DOCK2: variants seen among roughly 807,000 people sequenced by gnomAD.
DOCK2 encodes dedicator of cytokinesis protein 2.
DOCK2 carries 87 observed loss-of-function variants against 248.9 expected under a neutral mutation model. The ratio of observed to expected loss-of-function variants is 0.35; its 90% CI spans 0.29 to 0.42. The LOEUF (loss-of-function observed/expected upper bound fraction) is 0.42. DOCK2 is among the 10% of genes least tolerant of loss of function. The pLI is 1.00. For missense variants in DOCK2, 1,747 were observed against 2,300.2 expected (o/e 0.76, Z 4.92); for synonymous variants, 805 against 821.6 (o/e 0.98, Z 0.35).
intron 32 of DOCK2, among the ~76,000 whole-genome samples, chr5:170,011,094 G>A (rs975385649): frequency 1.3e-5 from 2 of 152,108 alleles, no homozygotes; most frequent in African/African-American, 2.4e-5. Context: ...TTTTAGCTGA[G>A]GACCAATAAA....
rs2270895 is a variant in DOCK2 at position 170,041,239 on chromosome 5, A to G, written c.3756+94A>G. On this transcript the variant is annotated intron_variant, in intron 37 of 51. Coordinates refer to ENST00000520908, the MANE Select transcript of DOCK2 (RefSeq NM_004946.3). ...TGAAAAAAGAAAAAAAAGAAAAAGA[A>G]TCCAAATATTTTGTTTTGCCCTGTG... is the stretch of plus-strand genomic sequence containing the variant. The G allele has an allele frequency of 0.47, 551,885 of 1,167,328 alleles. 135,309 individuals are homozygous for G. The highest frequency in any genetic ancestry group is 0.62 in the East Asian group (24,960 of 40,190). 72.3% of individuals were successfully genotyped at this position (1,167,328 alleles called of 1,614,324 possible).
chr5:170,012,120 A>C (rs968071473), intron 32 of DOCK2, among the ~76,000 whole-genome samples: 9 of 152,238 alleles, frequency 5.9e-5, no homozygotes, highest in African/African-American at 2.2e-4. Flanking sequence ...AATTGAGGCT[A>C]AAAGAGCCTG....
At chr5:169,735,725 C>T (rs1763001297) in intron 22 of DOCK2, among the ~76,000 whole-genome samples, 1 of 152,180 alleles carries the variant, frequency 6.6e-6, no homozygotes, top group African/African-American at 2.4e-5. Flanking sequence ...ACCCTAAGCA[C>T]ACCTACTTTA....
At chr5:170,075,881 G>A in intron 46 of DOCK2, 66 bp from the exon 47 acceptor site, 1 of 1,595,130 alleles carries the variant, frequency 6.3e-7, no homozygotes, top group Non-Finnish European at 8.6e-7. Context: ...CTGCCTTGAT[G>A]GGCGGGGTGC....
At chr5:169,968,572 G>A (rs1480304776) in intron 27 of DOCK2, among the ~76,000 whole-genome samples, 1 of 152,206 alleles carries the variant, frequency 6.6e-6, no homozygotes, top group African/African-American at 2.4e-5. Flanking sequence ...TCCCTATGGA[G>A]TTCGTGCAGA....
At position 169,712,167 on chromosome 5, in the gene DOCK2, A is replaced by G. The variant is rs143942535; in HGVS notation, c.1603A>G (p.Met535Val). 2.4e-4 allele frequency: 386 copies of G among 1,614,124 alleles called. 1 individual carries two copies. Among genetic ancestry groups the G allele is most frequent in the Middle Eastern group, 1.8e-3 (11 of 6,058 alleles). The stretch of plus-strand genomic sequence containing the variant: ...CTTTGCCATGTCCTATGTGAAGCTG[A>G]TGAAAGAAGATGGGACTACTCTACA... The part of the protein sequence containing the change: ...KNFAMSYVKL[M>V]KEDGTTLHDG... Residue 535 changes from methionine (M) to valine (V), a missense_variant, in exon 17 of 52, where the codon ATG (methionine) becomes GTG (valine). Met to Val is a conservative substitution (Grantham distance 21). Coordinates refer to ENST00000520908, the MANE Select transcript of DOCK2 (RefSeq NM_004946.3).
chr5:169,931,517 G>A (rs1035691953), intron 27 of DOCK2, among the ~76,000 whole-genome samples: 5 of 152,204 alleles, frequency 3.3e-5, no homozygotes, highest in African/African-American at 4.8e-5. Flanking sequence ...AGGTGGTATC[G>A]TTTTGTGGAA....
At position 170,069,231 on chromosome 5, in the gene DOCK2, G is replaced by A. The variant is rs376343917; in HGVS notation, c.4728+11G>A. The stretch of plus-strand genomic sequence containing the variant: ...CTGATTGCATGGCAGGTGAGGCAGC[G>A]CTGGCCAGGGGAGCATGCTGCTCTC... On this transcript the variant is annotated intron_variant, in intron 46 of 51. Coordinates refer to ENST00000520908, the MANE Select transcript of DOCK2 (RefSeq NM_004946.3). 213 of 1,612,784 alleles carry A rather than the reference G, an allele frequency of 1.3e-4. No individual in the cohort carries two copies. Among genetic ancestry groups the A allele is most frequent in the Non-Finnish European group, 5.9e-5 (70 of 1,179,442 alleles).
chr5:169,688,627 G>T (rs943835714), intron 8 of DOCK2, among the ~76,000 whole-genome samples: 2 of 152,128 alleles, frequency 1.3e-5, no homozygotes, highest in Admixed American at 6.5e-5. Context: ...AAAATTTTCA[G>T]GTTTGGGAGC....
At chr5:169,992,033 A>G (rs1005441266) in intron 29 of DOCK2, among the ~76,000 whole-genome samples, 3 of 152,196 alleles carry the variant, frequency 2.0e-5, no homozygotes, top group Non-Finnish European at 4.4e-5. Flanking sequence ...GAACAGAACT[A>G]CAGAGATGTC....
At chr5:169,809,446 T>A (rs11955385) in intron 26 of DOCK2, among the ~76,000 whole-genome samples, 3,066 of 152,300 alleles carry the variant, frequency 0.02, 46 homozygotes, top group Middle Eastern at 0.048. Flanking sequence ...AGATAACACT[T>A]CCTTTCTGAG....
chr5:169,774,310 C>G (rs1226273208), intron 25 of DOCK2, among the ~76,000 whole-genome samples: 2 of 152,150 alleles, frequency 1.3e-5, no homozygotes, highest in Non-Finnish European at 2.9e-5. Context: ...ACTTATTTAA[C>G]CATGATTTTG....
At chr5:169,694,769 C>T (rs1760515946) in intron 9 of DOCK2, among the ~76,000 whole-genome samples, 1 of 151,668 alleles carries the variant, frequency 6.6e-6, no homozygotes, top group Non-Finnish European at 1.5e-5. Context: ...TGCTTGAGCC[C>T]AGGAGTTTGA....
intron 19 of DOCK2, 26 bp downstream of exon 19, chr5:169,714,483 A>G: frequency 6.2e-7 from 1 of 1,611,894 alleles, no homozygotes. Flanking sequence ...TTTTGATTGT[A>G]TTCTTACACT....
intron 22 of DOCK2, among the ~76,000 whole-genome samples, chr5:169,727,805 G>A (rs954382644): frequency 1.2e-4 from 18 of 152,112 alleles, no homozygotes; most frequent in African/African-American, 4.3e-4. Flanking sequence ...TTTTCTCCAA[G>A]GAGCAGTTTG....
intron 9 of DOCK2, 27 bp from the exon 10 acceptor site, chr5:169,695,776 G>C (rs780313466): frequency 6.2e-7 from 1 of 1,612,214 alleles, no homozygotes; most frequent in Non-Finnish European, 8.5e-7. Flanking sequence ...GCACATGATG[G>C]TCAATTTTTT....
intron 9 of DOCK2, among the ~76,000 whole-genome samples, chr5:169,689,643 G>A (rs940107093): frequency 6.6e-6 from 1 of 152,068 alleles, no homozygotes; most frequent in Admixed American, 6.5e-5. Flanking sequence ...AGGTGAACTG[G>A]GCACAACAGC....
intron 27 of DOCK2, among the ~76,000 whole-genome samples, chr5:169,930,054 G>C (rs879929943): frequency 2.0e-5 from 3 of 152,118 alleles, no homozygotes; most frequent in Admixed American, 1.3e-4. Flanking sequence ...GCAGTGGCAC[G>C]ATCTCAGCTC....
intron 29 of DOCK2, among the ~76,000 whole-genome samples, chr5:169,989,582 G>A (rs980120867): frequency 3.9e-5 from 6 of 152,182 alleles, no homozygotes; most frequent in Non-Finnish European, 5.9e-5. Flanking sequence ...ATATTCCCAT[G>A]GAAATGCAAG....
Sources: gnomAD v4.1 joint callset for allele counts (sites outside exome capture counted in the v4.1 genomes callset) on GRCh38, gnomAD v4.1.1 for gene constraint, MANE v1.5 for transcripts, NCBI Gene and HGNC (gene_info 2026-07-23, HGNC 2026-07-21) for gene names.